CDH13: variants seen among roughly 807,000 people sequenced by gnomAD.
CDH13 encodes the protein cadherin 13.
In CDH13, 24 loss-of-function variants were observed where a neutral mutation model predicts 63.8. The observed-to-expected ratio is 0.38, with a 90% CI of 0.27 to 0.53. CDH13 has a LOEUF of 0.53. Among genes scored for constraint, CDH13 ranks in the 20% least tolerant of loss-of-function variants. CDH13 has a pLI of 0.85. For synonymous variants in CDH13, 503 were observed against 355.3 expected, an observed-to-expected ratio of 1.42 and a Z score of -4.67; for missense variants, 1,049 against 903.1, an observed-to-expected ratio of 1.16 and a Z score of -2.07.
At chr16:82,839,771 G>A (rs1201777366) in intron 1 of CDH13, among the ~76,000 whole-genome samples, 1 of 152,204 alleles carries the variant, frequency 6.6e-6, no homozygotes, top group Non-Finnish European at 1.5e-5. Flanking sequence ...GCCTACTGTA[G>A]AGGCTCTTCA....
intron 3 of CDH13, among the ~76,000 whole-genome samples, chr16:83,084,900 T>C (rs1459321390): frequency 1.3e-5 from 2 of 152,020 alleles, no homozygotes; most frequent in Non-Finnish European, 2.9e-5. Context: ...AAAAATAAAA[T>C]AGGTTGAGTA....
chr16:83,063,200 G>A (rs1243173330), intron 3 of CDH13, among the ~76,000 whole-genome samples: 1 of 152,108 alleles, frequency 6.6e-6, no homozygotes, highest in Non-Finnish European at 1.5e-5. Context: ...GAACTCAGGT[G>A]ATCCACCCAC....
Position 83,489,750 on chromosome 16 carries a change from G to T in CDH13, c.960+3095G>T, listed in dbSNP as rs185809524. ...TTATTTCTGAAGACCTTCTGAGAAG[G>T]CCTGTCTTAGGTGTGGTTTTAAAGT... On this transcript the variant is annotated intron_variant, in intron 7 of 13. Transcript: ENST00000567109. 5.2e-3 allele frequency among the ~76,000 whole-genome samples: 797 copies of T among 152,240 alleles called. 3 individuals are homozygous for T. Among genetic ancestry groups the T allele is most frequent in the Non-Finnish European group, 8.5e-3 (580 of 68,016 alleles).
intron 7 of CDH13, among the ~76,000 whole-genome samples, chr16:83,519,475 C>T (rs1044920628): frequency 2.6e-5 from 4 of 152,192 alleles, no homozygotes; most frequent in Middle Eastern, 3.2e-3. Flanking sequence ...CGCACTTCTA[C>T]ATTCCTTATT....
chr16:83,374,041 G>T lies in CDH13; in HGVS notation c.781+29035G>T, dbSNP rs2091419023. ...GCCAGCCTCTAAGGACAGAGGGGAG[G>T]CAGTGGAGGGTACTAAGGCGTGCTA... On this transcript the variant is annotated intron_variant, in intron 6 of 13. Transcript: ENST00000567109. Among the ~76,000 whole-genome samples the T allele has an allele frequency of 2.6e-5, 4 of 152,206 alleles. No homozygotes were observed. In the South Asian group the frequency reaches 8.3e-4, roughly 32 times the overall value.
chr16:82,890,153 G>T (rs2041028196), intron 2 of CDH13, among the ~76,000 whole-genome samples: 1 of 152,200 alleles, frequency 6.6e-6, no homozygotes, highest in African/African-American at 2.4e-5. Context: ...AGTTGCTAGA[G>T]ATTCCTTCCT....
intron 1 of CDH13, among the ~76,000 whole-genome samples, chr16:82,855,388 A>G (rs1202526747): frequency 6.6e-6 from 1 of 152,164 alleles, no homozygotes; most frequent in Non-Finnish European, 1.5e-5. Flanking sequence ...CACCTTCTTT[A>G]CTTCCTACAG....
intron 2 of CDH13, among the ~76,000 whole-genome samples, chr16:82,983,186 A>G (rs180992386): frequency 6.6e-6 from 1 of 152,296 alleles, no homozygotes; most frequent in East Asian, 1.9e-4. Context: ...CAGGGCTTCC[A>G]TATGGCCTTG....
intron 2 of CDH13, among the ~76,000 whole-genome samples, chr16:83,012,609 C>T (rs536930423): frequency 1.3e-5 from 2 of 152,030 alleles, no homozygotes; most frequent in Non-Finnish European, 2.9e-5. Flanking sequence ...TAACGGATCA[C>T]TTTAAGTATG....
At chr16:83,101,103 C>T (rs976778272) in intron 3 of CDH13, among the ~76,000 whole-genome samples, 3 of 152,002 alleles carry the variant, frequency 2.0e-5, no homozygotes, top group Non-Finnish European at 2.9e-5. Flanking sequence ...CACAGGGGTA[C>T]AGCTGTGGAA....
chr16:83,137,999 A>ACAGT (rs1313517671), intron 4 of CDH13, among the ~76,000 whole-genome samples: 2 of 152,038 alleles, frequency 1.3e-5, no homozygotes, highest in East Asian at 3.9e-4. Flanking sequence ...GTGGCTGGGA[A>ACAGT]CAGTCCCTCC....
At chr16:83,570,840 T>TTATATATAAATATAAATATA (rs1491259499) in intron 7 of CDH13, among the ~76,000 whole-genome samples, 3 of 61,544 alleles carry the variant, frequency 4.9e-5, no homozygotes, top group South Asian at 4.8e-4. Context: ...AAATTTATAT[T>TTATATATAAATATAAATATA]TTTATATATA....
intron 2 of CDH13, among the ~76,000 whole-genome samples, chr16:83,009,454 C>T (rs1286130589): frequency 2.6e-5 from 4 of 152,108 alleles, no homozygotes; most frequent in South Asian, 4.1e-4. Flanking sequence ...GGATGCTTTA[C>T]ATTCTCTCAC....
chr16:82,711,023 C>T (rs2031899799), intron 1 of CDH13, among the ~76,000 whole-genome samples: 1 of 151,348 alleles, frequency 6.6e-6, no homozygotes, highest in African/African-American at 2.4e-5. Flanking sequence ...CTTCTTGTGC[C>T]AGTGTTACAA....
intron 3 of CDH13, among the ~76,000 whole-genome samples, chr16:83,120,268 G>T (rs2035505865): frequency 6.6e-6 from 1 of 152,218 alleles, no homozygotes; most frequent in Non-Finnish European, 1.5e-5. Flanking sequence ...CAAGGAAATG[G>T]ATGGGCAGCT....
intron 1 of CDH13, among the ~76,000 whole-genome samples, chr16:82,633,789 T>C (rs888039584): frequency 6.6e-6 from 1 of 152,198 alleles, no homozygotes; most frequent in Non-Finnish European, 1.5e-5. Flanking sequence ...ACATACAGTG[T>C]TAATGCTACA....
At chr16:83,133,853 T>G (rs2036162153) in intron 4 of CDH13, among the ~76,000 whole-genome samples, 1 of 152,226 alleles carries the variant, frequency 6.6e-6, no homozygotes. Flanking sequence ...TTGATGGCAC[T>G]TAACACATTT....
At chr16:83,412,777 C>T (rs768317165) in intron 6 of CDH13, among the ~76,000 whole-genome samples, 3 of 152,222 alleles carry the variant, frequency 2.0e-5, no homozygotes, top group Admixed American at 6.5e-5. Flanking sequence ...AACAATTCCA[C>T]GTGCACATAA....
intron 3 of CDH13, among the ~76,000 whole-genome samples, chr16:83,052,869 A>G (rs2151508199): frequency 1.3e-5 from 2 of 152,210 alleles, no homozygotes; most frequent in South Asian, 4.1e-4. Context: ...TTAATAAAAA[A>G]GCTATTTTAT....
Sources: gnomAD v4.1 joint callset for allele counts (sites outside exome capture counted in the v4.1 genomes callset) on GRCh38, gnomAD v4.1.1 for gene constraint, MANE v1.5 for transcripts, NCBI Gene and HGNC (gene_info 2026-07-23, HGNC 2026-07-21) for gene names.